The following RGS12 variants were observed in gnomAD, a reference collection of about 807,000 sequenced individuals.
The protein encoded by RGS12 is regulator of G protein signaling 12, also known as regulator of G-protein signaling 12.
Under a neutral mutation model 120.1 loss-of-function variants are expected in RGS12, and 66 were observed. The ratio of observed to expected loss-of-function variants is 0.55; its 90% CI spans 0.45 to 0.67. The LOEUF (loss-of-function observed/expected upper bound fraction) is 0.67, where lower values mean the gene tolerates loss of function less well. RGS12 is among the 30% of genes least tolerant of loss of function. The pLI is 0.00. For missense variants in RGS12, 1,859 were observed against 1,957.7 expected, an observed-to-expected ratio of 0.95 and a Z score of 0.95; for synonymous variants, 827 against 804.7, an observed-to-expected ratio of 1.03 and a Z score of -0.47.
chr4:3,335,436 C>T (rs1053589769), intron 2 of RGS12, among the ~76,000 whole-genome samples: 1 of 152,222 alleles, frequency 6.6e-6, no homozygotes, highest in Non-Finnish European at 1.5e-5. Flanking sequence ...TTACTGCCCT[C>T]AGCCCTAAGC....
chr4:3,431,107 C>A, intron 17 of RGS12, 152 bp downstream of exon 17: 1 of 1,439,602 alleles, frequency 6.9e-7, no homozygotes, highest in Non-Finnish European at 9.1e-7. Context: ...TTCCTTGGCC[C>A]TCTTGGAAAG....
intron 2 of RGS12, among the ~76,000 whole-genome samples, chr4:3,332,238 C>T (rs142449145): frequency 2.6e-5 from 4 of 152,304 alleles, no homozygotes; most frequent in South Asian, 2.1e-4. Flanking sequence ...CCTGCAGAAC[C>T]GGAAGTGTCT....
chr4:3,316,198 C>G lies in RGS12; in HGVS notation c.28C>G (p.Arg10Gly). 1.3e-6 allele frequency: 2 copies of G among 1,581,450 alleles called. No individual in the cohort carries two copies. The highest frequency in any genetic ancestry group is 1.7e-6 in the Non-Finnish European group (2 of 1,162,534). The change falls in exon 2 of 18, where the codon CGC (arginine) becomes GGC (glycine). Residue 10 changes from arginine (R) to glycine (G), a missense_variant. Arg to Gly is a moderately radical substitution (Grantham distance 125). This residue lies in a region of RGS12 where 967 missense variants were observed against 994.2 expected (regional missense o/e 0.97). Transcript: ENST00000336727. MFRAGEASK[R>G]PLPGPSPPRV... Reference sequence around the variant, plus strand: ...GTTTAGAGCTGGGGAGGCCTCCAAACGCCCATTGCCTGGGCCGTCGCCCCC... The same window carrying G: ...GTTTAGAGCTGGGGAGGCCTCCAAAGGCCCATTGCCTGGGCCGTCGCCCCC...
At chr4:3,388,974 C>T (rs1050566571) in intron 4 of RGS12, among the ~76,000 whole-genome samples, 3 of 152,196 alleles carry the variant, frequency 2.0e-5, no homozygotes, top group Non-Finnish European at 1.5e-5. Flanking sequence ...TCTGCCTGGT[C>T]ATCCTGTCTA....
chr4:3,378,656 A>T (rs532970874), intron 3 of RGS12: 299 of 152,366 alleles, frequency 2.0e-3, no homozygotes, highest in African/African-American at 6.9e-3. Flanking sequence ...AGGTATATGC[A>T]GAGGTCTCAG....
intron 3 of RGS12, 62 bp from the exon 4 acceptor site, chr4:3,386,354 T>C (rs1366132175): frequency 2.6e-6 from 4 of 1,514,614 alleles, no homozygotes; most frequent in African/African-American, 2.7e-5. Flanking sequence ...GATGGACTTT[T>C]CGTTTCCTGG....
intron 2 of RGS12, among the ~76,000 whole-genome samples, chr4:3,339,317 A>G (rs1399406281): frequency 6.6e-6 from 1 of 152,178 alleles, no homozygotes; most frequent in East Asian, 1.9e-4. Flanking sequence ...CCCAGTCTCT[A>G]CAAAAAATAC....
intron 17 of RGS12, among the ~76,000 whole-genome samples, chr4:3,435,899 G>T (rs1724761135): frequency 6.6e-6 from 1 of 152,176 alleles, no homozygotes; most frequent in African/African-American, 2.4e-5. Context: ...TGGAGCTCCG[G>T]CTTGAAGCCC....
chr4:3,422,743 C>T (rs1461096351), intron 11 of RGS12, among the ~76,000 whole-genome samples, 162 bp from the exon 12 acceptor site: 8 of 152,244 alleles, frequency 5.3e-5, no homozygotes, highest in Non-Finnish European at 1.0e-4. Flanking sequence ...GCACTTTGCA[C>T]GTGGGTGCTG....
intron 3 of RGS12, among the ~76,000 whole-genome samples, chr4:3,352,053 G>A (rs1714409591): frequency 1.3e-5 from 2 of 152,132 alleles, no homozygotes; most frequent in African/African-American, 2.4e-5. Flanking sequence ...CAAAAAATAA[G>A]TGTGTTCACA....
chr4:3,319,877 C>T (rs1376532846), intron 2 of RGS12, among the ~76,000 whole-genome samples: 1 of 152,240 alleles, frequency 6.6e-6, no homozygotes, highest in Non-Finnish European at 1.5e-5. Flanking sequence ...CCTCACTTCT[C>T]CGTGGAGCCT....
chr4:3,430,684 C>G lies in RGS12; in HGVS notation c.3843C>G (p.Pro1281=). 1 of 1,581,008 alleles carries G rather than the reference C, an allele frequency of 6.3e-7. No individual in the cohort carries two copies. Among genetic ancestry groups the G allele is most frequent in the Non-Finnish European group, 8.6e-7 (1 of 1,163,198 alleles). Residue 1281 remains proline, a synonymous_variant, in exon 17 of 18, where the codon CCC becomes CCG. Coordinates refer to ENST00000336727, the MANE Select transcript of RGS12 (RefSeq NM_001394154.1). ...PSTSPGSASS[P]PGPPGTTPPG... ...CCAGCCCGGGCTCAGCCTCCAGCCC[C>G]CCTGGACCTCCTGGGACGACCCCCC... is the stretch of plus-strand genomic sequence containing the variant.
intron 1 of RGS12, among the ~76,000 whole-genome samples, chr4:3,306,696 G>A (rs929420012): frequency 1.5e-4 from 23 of 152,226 alleles, no homozygotes; most frequent in African/African-American, 4.3e-4. Flanking sequence ...AGGGGACCGA[G>A]CAGGGAGCAG....
Position 3,345,485 on chromosome 4 carries a change from G to A in RGS12, c.1998+2432G>A, listed in dbSNP as rs565733975. Among the ~76,000 whole-genome samples, 25 of 152,326 alleles carry A rather than the reference G, an allele frequency of 1.6e-4. 1 individual carries two copies. The highest frequency in any genetic ancestry group is 5.8e-4 in the African/African-American group (24 of 41,566). Reference sequence around the variant, plus strand: ...TTGATTGCCCCTTGGTGCTGGGATGGAGCTGTCCCAGTTTGGTGTGGTCTG... The same window carrying A: ...TTGATTGCCCCTTGGTGCTGGGATGAAGCTGTCCCAGTTTGGTGTGGTCTG... On this transcript the variant is annotated intron_variant, in intron 3 of 17. Coordinates refer to ENST00000336727, the MANE Select transcript of RGS12 (RefSeq NM_001394154.1).
chr4:3,377,569 A>T (rs1371095924), intron 3 of RGS12, among the ~76,000 whole-genome samples: 1 of 152,248 alleles, frequency 6.6e-6, no homozygotes, highest in African/African-American at 2.4e-5. Context: ...ATTACTGTAA[A>T]CCAATAGAAT....
At chr4:3,289,224 G>C (rs1222931132), upstream of RGS12, among the ~76,000 whole-genome samples, 2 of 151,752 alleles carry the variant, frequency 1.3e-5, no homozygotes, top group Non-Finnish European at 2.9e-5. Context: ...TTTTTTTGGA[G>C]ACAGGATCTC....
At chr4:3,388,223 C>T (rs1322570428) in intron 4 of RGS12, among the ~76,000 whole-genome samples, 2 of 6,266 alleles carry the variant, frequency 3.2e-4, no homozygotes, top group African/African-American at 6.6e-4. Flanking sequence ...GAGGAGGAGA[C>T]GGGAGGGAGG....
At chr4:3,287,865 T>C in the RGS12 span, among the ~76,000 whole-genome samples, 9 of 152,132 alleles carry the variant, frequency 5.9e-5, no homozygotes, top group African/African-American at 1.9e-4. Flanking sequence ...GGCTCATTTG[T>C]CCCACGGGGC....
chr4:3,309,611 G>C (rs1724215113), intron 1 of RGS12, among the ~76,000 whole-genome samples: 1 of 132,384 alleles, frequency 7.6e-6, no homozygotes, highest in African/African-American at 3.1e-5. Flanking sequence ...CTGGGACCTG[G>C]GAATGGCAGG....
Sources: allele counts gnomAD v4.1 joint callset (sites outside exome capture counted in the v4.1 genomes callset), GRCh38; gene constraint gnomAD v4.1.1; regional missense constraint gnomAD v4.1.1; transcripts MANE v1.5; gene names NCBI Gene and HGNC (gene_info 2026-07-23, HGNC 2026-07-21).